The following HEG1 variants were observed in gnomAD, a reference collection of about 807,000 sequenced individuals.
HEG1 encodes the protein protein HEG homolog 1.
Under a neutral mutation model 125.6 loss-of-function variants are expected in HEG1, and 56 were observed. The ratio of observed to expected loss-of-function variants is 0.45; its 90% CI spans 0.36 to 0.56. HEG1 has a LOEUF of 0.56. HEG1 is among the 20% of genes least tolerant of loss of function. The pLI is 0.00. For missense variants in HEG1, 1,523 were observed against 1,670.0 expected, an observed-to-expected ratio of 0.91 and a Z score of 1.53; for synonymous variants, 644 against 668.5, an observed-to-expected ratio of 0.96 and a Z score of 0.57.
rs1211608657 is a variant in HEG1 at position 125,029,431 on chromosome 3, G to T, written c.374C>A (p.Thr125Asn). 2 of 1,605,294 alleles carry T rather than the reference G, an allele frequency of 1.2e-6. No individual in the cohort carries two copies. Among genetic ancestry groups the T allele is most frequent in the African/African-American group, 1.3e-5 (1 of 74,944 alleles). ...SNTEAHVENITFYQNQEDFST... is the reference protein window; with the variant it reads ...SNTEAHVENINFYQNQEDFST... ...AAAGTCCTCTTGATTCTGATAGAAG[G>T]TGATGTTTTCTACATGGGCCTCAGT... The change falls in exon 2 of 17, where the codon ACC becomes AAC. Residue 125 changes from threonine to asparagine, a missense_variant. Physicochemically the swap from Thr to Asn is moderately conservative, Grantham distance 65. Coordinates refer to ENST00000311127, the MANE Select transcript of HEG1 (RefSeq NM_020733.2).
chr3:124,994,507 C>CTT (rs547731140), intron 12 of HEG1, among the ~76,000 whole-genome samples: 15 of 143,832 alleles, frequency 1.0e-4, no homozygotes, highest in Admixed American at 2.1e-4. Flanking sequence ...ATGGTGGCAT[C>CTT]TTTTTTTTTT....
chr3:124,997,712 T>C lies in HEG1; in HGVS notation c.3629A>G (p.Asn1210Ser), dbSNP rs1936943691. 6.3e-7 allele frequency: 1 copy of C among 1,590,736 alleles called. No homozygotes were observed. The highest frequency in any genetic ancestry group is 8.6e-7 in the Non-Finnish European group (1 of 1,163,876). ...CQCKSGYFQF[N>S]KMDHSCRACE... is the part of the protein sequence containing the mutation. Reference sequence around the variant, plus strand: ...ACCTCGGCAGGAGTGGTCCATCTTGTTGAACTGAAAGTATCCCGACTTGCA... The same window carrying C: ...ACCTCGGCAGGAGTGGTCCATCTTGCTGAACTGAAAGTATCCCGACTTGCA... The change falls in exon 12 of 17, where the codon AAC becomes AGC. Residue 1210 changes from asparagine (N) to serine (S), a missense_variant. Coordinates refer to ENST00000311127, the MANE Select transcript of HEG1 (RefSeq NM_020733.2).
intron 15 of HEG1, among the ~76,000 whole-genome samples, chr3:124,977,203 C>T (rs1444397697): frequency 6.6e-6 from 1 of 152,214 alleles, no homozygotes; most frequent in Non-Finnish European, 1.5e-5. Flanking sequence ...GATTATGAGG[C>T]TTCCCCAGCC....
intron 11 of HEG1, among the ~76,000 whole-genome samples, chr3:124,998,379 C>G (rs1936955108): frequency 2.0e-5 from 3 of 152,230 alleles, no homozygotes; most frequent in Admixed American, 1.3e-4. Flanking sequence ...GTGCTGCCTA[C>G]AAGAGACTGG....
intron 1 of HEG1, among the ~76,000 whole-genome samples, chr3:125,038,572 C>T (rs562986598): frequency 1.1e-4 from 16 of 152,342 alleles, no homozygotes; most frequent in South Asian, 6.2e-4. Flanking sequence ...CAGGTGGCAT[C>T]GCAGTGGGGA....
chr3:125,025,415 T>C (rs1937402573), intron 3 of HEG1, among the ~76,000 whole-genome samples: 1 of 152,076 alleles, frequency 6.6e-6, no homozygotes, highest in South Asian at 2.1e-4. Context: ...CACAGTTCAC[T>C]AAAAAGGAAG....
intron 1 of HEG1, among the ~76,000 whole-genome samples, chr3:125,052,078 T>C (rs1937818983): frequency 6.6e-6 from 1 of 152,202 alleles, no homozygotes; most frequent in South Asian, 2.1e-4. Flanking sequence ...TCTTGCAAGG[T>C]AAAAAGGATG....
At position 125,012,902 on chromosome 3, in the gene HEG1, T is replaced by C; in HGVS notation, c.2677A>G (p.Ile893Val). Residue 893 changes from isoleucine (I) to valine (V), a missense_variant, in exon 6 of 17, where the codon ATC becomes GTC. By Grantham distance (29) the Ile-to-Val change is conservative. Transcript: ENST00000311127. The part of the protein sequence containing the change: ...LTHPEILVPQ[I>V]STEGGISTER... ...GTGCTGATGCCACCTTCTGTTGAGA[T>C]TTGAGGAACTAGTATTTCAGGATGG... The C allele has an allele frequency of 1.2e-6, 2 of 1,614,058 alleles. No homozygotes were observed. Among genetic ancestry groups the C allele is most frequent in the Non-Finnish European group, 1.7e-6 (2 of 1,179,900 alleles).
At chr3:124,996,127 G>A (rs975740224) in intron 12 of HEG1, among the ~76,000 whole-genome samples, 1 of 151,682 alleles carries the variant, frequency 6.6e-6, no homozygotes, top group Non-Finnish European at 1.5e-5. Flanking sequence ...TGTTGCCCAG[G>A]CTGCAGTGGT....
intron 16 of HEG1, 21 bp downstream of exon 16, chr3:124,973,710 T>C (rs764211894): frequency 2.4e-5 from 38 of 1,592,326 alleles, no homozygotes; most frequent in Non-Finnish European, 1.7e-6. Flanking sequence ...CCTGGGGTCA[T>C]CCTGACACAG....
Position 125,055,711 on chromosome 3 carries a change from C to G in HEG1, c.180G>C (p.Pro60=). The G allele has an allele frequency of 1.1e-5, 12 of 1,069,480 alleles. No homozygotes were observed. Among genetic ancestry groups the G allele is most frequent in the Non-Finnish European group, 1.4e-5 (12 of 886,110 alleles). The allele number at this position is 1,069,480 out of a possible 1,614,324, so 66.2% of individuals were successfully genotyped here. A position where few individuals can be genotyped will look rare whatever the true frequency, so the allele number is the denominator to read the frequency against. Residue 60 remains proline, a synonymous_variant, in exon 1 of 17, where the codon CCG becomes CCC. Transcript: ENST00000311127. ...AGLELQLERR[P]EREPPPTPPR... ...GCGGCGTGGGCGGCGGCTCGCGCTC[C>G]GGGCGGCGCTCCAGCTGCAGCTCCA... is the stretch of plus-strand genomic sequence containing the variant.
At chr3:125,046,821 CAA>C (rs1937679375) in intron 1 of HEG1, among the ~76,000 whole-genome samples, 2 of 152,200 alleles carry the variant, frequency 1.3e-5, no homozygotes, top group Non-Finnish European at 2.9e-5. Context: ...TCAACTCCTT[CAA>C]ACACTTGTGA....
At chr3:124,971,483 C>G (rs929673867) in intron 16 of HEG1, among the ~76,000 whole-genome samples, 1 of 141,022 alleles carries the variant, frequency 7.1e-6, no homozygotes, top group East Asian at 2.0e-4. Context: ...TCTTTCTTTT[C>G]TTTTCTTTTT....
chr3:125,020,891 T>C lies in HEG1; in HGVS notation c.1153A>G (p.Ser385Gly). 4 of 1,614,026 alleles carry C rather than the reference T, an allele frequency of 2.5e-6. No individual in the cohort carries two copies. Among genetic ancestry groups the C allele is most frequent in the Non-Finnish European group, 3.4e-6 (4 of 1,179,882 alleles). The change falls in exon 4 of 17, where the codon AGT becomes GGT. Residue 385 changes from serine (S) to glycine (G), a missense_variant. Coordinates refer to ENST00000311127, the MANE Select transcript of HEG1 (RefSeq NM_020733.2). Reference protein sequence around the residue: ...SPSAVESRRNSRVTGNPGDEE... With the variant: ...SPSAVESRRNGRVTGNPGDEE... ...TCCCCTGGATTCCCAGTTACTCTAC[T>C]GTTTCTTCTCGATTCCACTGCAGAG...
At chr3:125,033,064 C>A (rs901784576) in intron 1 of HEG1, among the ~76,000 whole-genome samples, 5 of 152,280 alleles carry the variant, frequency 3.3e-5, no homozygotes, top group Admixed American at 6.5e-5. Flanking sequence ...AAAATGCACA[C>A]CATAAACAAA....
chr3:125,011,306 C>A (rs1937154987), intron 6 of HEG1, among the ~76,000 whole-genome samples: 1 of 152,094 alleles, frequency 6.6e-6, no homozygotes, highest in Non-Finnish European at 1.5e-5. Context: ...GTGTTCCTAT[C>A]CTGTATTGCC....
chr3:124,981,201 C>T (rs1443840899), intron 14 of HEG1, among the ~76,000 whole-genome samples: 3 of 150,106 alleles, frequency 2.0e-5, no homozygotes, highest in Non-Finnish European at 4.4e-5. Flanking sequence ...TCTGTCCCCA[C>T]AGGCACCAAC....
intron 14 of HEG1, among the ~76,000 whole-genome samples, chr3:124,981,663 C>T (rs1407255819): frequency 1.3e-5 from 2 of 152,154 alleles, no homozygotes; most frequent in African/African-American, 4.8e-5. Context: ...GTTTAGATTA[C>T]ACAGGAGAGG....
intron 1 of HEG1, among the ~76,000 whole-genome samples, chr3:125,039,659 A>G (rs1025670526): frequency 6.6e-6 from 1 of 152,166 alleles, no homozygotes; most frequent in Non-Finnish European, 1.5e-5. Flanking sequence ...TACCCTGTCA[A>G]GCGGGTATTA....
Sources: gnomAD v4.1 joint callset for allele counts (sites outside exome capture counted in the v4.1 genomes callset) on GRCh38, gnomAD v4.1.1 for gene constraint, MANE v1.5 for transcripts, NCBI Gene and HGNC (gene_info 2026-07-23, HGNC 2026-07-21) for gene names.